The following ATP8A1 variants were observed in gnomAD, a reference collection of about 807,000 sequenced individuals.
ATP8A1 encodes phospholipid-transporting ATPase IA.
Under a neutral mutation model 177.7 loss-of-function variants are expected in ATP8A1, and 90 were observed. The ratio of observed to expected loss-of-function variants is 0.51; its 90% CI spans 0.43 to 0.60. The LOEUF (loss-of-function observed/expected upper bound fraction) is 0.60, where lower values mean the gene tolerates loss of function less well. Ranked by LOEUF, ATP8A1 falls within the 20% of genes least tolerant of loss-of-function variation. The probability of loss-of-function intolerance (pLI) is 0.00; values close to 1 mark genes in which losing one functional copy is unlikely to be tolerated. For synonymous variants in ATP8A1, 493 were observed against 485.9 expected, an observed-to-expected ratio of 1.01 and a Z score of -0.19; for missense variants, 1,072 against 1,392.8, an observed-to-expected ratio of 0.77 and a Z score of 3.67.
At chr4:42,533,163 G>A (rs972727354) in intron 20 of ATP8A1, among the ~76,000 whole-genome samples, 3 of 152,276 alleles carry the variant, frequency 2.0e-5, no homozygotes, top group Admixed American at 1.3e-4. Context: ...CTTTTTGAAG[G>A]AGGAAGACTG....
At chr4:42,547,467 A>C (rs1729046329) in intron 19 of ATP8A1, among the ~76,000 whole-genome samples, 2 of 152,226 alleles carry the variant, frequency 1.3e-5, no homozygotes, top group South Asian at 4.1e-4. Flanking sequence ...GAAAGAACAG[A>C]AACTCCCAAC....
chr4:42,453,727 T>TA, intron 29 of ATP8A1, among the ~76,000 whole-genome samples: 1 of 152,146 alleles, frequency 6.6e-6, no homozygotes, highest in Non-Finnish European at 1.5e-5. Flanking sequence ...GAGGCTAAAT[T>TA]CAGAGACAGT....
chr4:42,562,647 C>T (rs1374794763), intron 15 of ATP8A1, among the ~76,000 whole-genome samples: 1 of 152,186 alleles, frequency 6.6e-6, no homozygotes, highest in African/African-American at 2.4e-5. Flanking sequence ...TGGCTGTGTT[C>T]CCACCCAAAT....
chr4:42,655,605 G>T lies in ATP8A1; in HGVS notation c.49+1220C>A, dbSNP rs557033251. Among the ~76,000 whole-genome samples, 9 of 152,154 alleles carry T rather than the reference G, an allele frequency of 5.9e-5. No individual in the cohort carries two copies. The South Asian group carries it at 1.5e-3, about 25-fold the overall frequency. On this transcript the variant is annotated intron_variant, in intron 1 of 36. Coordinates refer to ENST00000381668, the MANE Select transcript of ATP8A1 (RefSeq NM_006095.2). Reference sequence around the variant, plus strand: ...ATAATGCCCTATATAAGTATTTTTTGGGTATTACAAATGACAGCATGTACC... The same window carrying T: ...ATAATGCCCTATATAAGTATTTTTTTGGTATTACAAATGACAGCATGTACC...
At chr4:42,422,209 A>T (rs1440932653) in intron 35 of ATP8A1, among the ~76,000 whole-genome samples, 1 of 152,014 alleles carries the variant, frequency 6.6e-6, no homozygotes, top group Non-Finnish European at 1.5e-5. Context: ...CTCTTGCCTC[A>T]GCCTCCTGAG....
At chr4:42,420,913 C>T (rs948826065) in intron 35 of ATP8A1, among the ~76,000 whole-genome samples, 5 of 151,928 alleles carry the variant, frequency 3.3e-5, no homozygotes, top group African/African-American at 9.7e-5. Flanking sequence ...GGACTACAGG[C>T]GCCCGCCACC....
intron 1 of ATP8A1, among the ~76,000 whole-genome samples, chr4:42,651,361 G>A (rs923207481): frequency 6.6e-6 from 1 of 152,184 alleles, no homozygotes; most frequent in Non-Finnish European, 1.5e-5. Context: ...GTTGAAAAAA[G>A]TTTGGAGGGC....
intron 5 of ATP8A1, among the ~76,000 whole-genome samples, chr4:42,604,078 T>C (rs1735559240): frequency 6.6e-6 from 1 of 152,174 alleles, no homozygotes; most frequent in South Asian, 2.1e-4. Flanking sequence ...GAGCGCACCA[T>C]GCTCTCTGCT....
intron 31 of ATP8A1, among the ~76,000 whole-genome samples, chr4:42,445,334 T>C (rs915620978): frequency 2.6e-5 from 4 of 152,228 alleles, no homozygotes; most frequent in Admixed American, 2.6e-4. Flanking sequence ...GCAAGTTACT[T>C]CACGTCTCTG....
intron 15 of ATP8A1, among the ~76,000 whole-genome samples, chr4:42,558,263 C>T (rs1007806164): frequency 2.6e-5 from 4 of 152,120 alleles, no homozygotes; most frequent in African/African-American, 9.7e-5. Flanking sequence ...AATAATAGGA[C>T]TGTTAGTCAA....
At chr4:42,422,304 C>A (rs1269382749) in intron 35 of ATP8A1, among the ~76,000 whole-genome samples, 3 of 152,046 alleles carry the variant, frequency 2.0e-5, no homozygotes, top group Non-Finnish European at 4.4e-5. Flanking sequence ...GTTGGTCAGG[C>A]TGGTCTCGAA....
At chr4:42,567,320 C>G (rs1220808722) in intron 15 of ATP8A1, among the ~76,000 whole-genome samples, 1 of 152,136 alleles carries the variant, frequency 6.6e-6, no homozygotes, top group Non-Finnish European at 1.5e-5. Context: ...GGGCGGATAA[C>G]CTGAGGTCAG....
At chr4:42,552,647 T>G in intron 16 of ATP8A1, 37 bp from the exon 17 acceptor site, 1 of 1,468,958 alleles carries the variant, frequency 6.8e-7, no homozygotes. Context: ...GCCCTTCTCA[T>G]GTGAACATTT....
chr4:42,549,096 T>G (rs1248681979), intron 18 of ATP8A1, 34 bp from the exon 19 acceptor site: 2 of 1,533,910 alleles, frequency 1.3e-6, no homozygotes, highest in South Asian at 1.2e-5. Flanking sequence ...TTACATACAG[T>G]TGGAAAAGTC....
chr4:42,434,861 G>C (rs1333878997), intron 33 of ATP8A1, among the ~76,000 whole-genome samples: 1 of 152,220 alleles, frequency 6.6e-6, no homozygotes, highest in East Asian at 1.9e-4. Context: ...TGGCAGTACA[G>C]TAAGTTAAAG....
chr4:42,422,749 T>C (rs1560306795), intron 35 of ATP8A1, 58 bp downstream of exon 35: 1 of 1,343,172 alleles, frequency 7.4e-7, no homozygotes, highest in South Asian at 1.2e-5. Context: ...TTCCAACCAC[T>C]AGTACAAGAT....
At chr4:42,469,586 C>T (rs2153184627) in intron 25 of ATP8A1, among the ~76,000 whole-genome samples, 1 of 152,252 alleles carries the variant, frequency 6.6e-6, no homozygotes, top group East Asian at 1.9e-4. Flanking sequence ...GATATGATTG[C>T]CCCTCTTTGA....
intron 12 of ATP8A1, among the ~76,000 whole-genome samples, chr4:42,576,071 A>G (rs1277730994): frequency 6.6e-6 from 1 of 152,190 alleles, no homozygotes; most frequent in Non-Finnish European, 1.5e-5. Flanking sequence ...AATGTGAGCT[A>G]GAACTCAGCA....
At chr4:42,458,245 A>G (rs1718704596) in intron 27 of ATP8A1, among the ~76,000 whole-genome samples, 1 of 152,216 alleles carries the variant, frequency 6.6e-6, no homozygotes, top group African/African-American at 2.4e-5. Flanking sequence ...CTCTAATTCA[A>G]CCAGAGCCAC....
Sources: gnomAD v4.1 joint callset for allele counts (sites outside exome capture counted in the v4.1 genomes callset) on GRCh38, gnomAD v4.1.1 for gene constraint, MANE v1.5 for transcripts, NCBI Gene and HGNC (gene_info 2026-07-23, HGNC 2026-07-21) for gene names.